PDZRN4: variants seen among roughly 807,000 people sequenced by gnomAD.
PDZRN4 encodes the protein PDZ domain containing ring finger 4.
A neutral mutation model predicts 99.0 loss-of-function variants in PDZRN4; 70 were observed. The ratio of observed to expected loss-of-function variants is 0.71; its 90% confidence interval spans 0.58 to 0.86. The LOEUF (loss-of-function observed/expected upper bound fraction) is 0.86. PDZRN4 is among the 40% of genes least tolerant of loss of function. The pLI is 0.00. For synonymous variants in PDZRN4, 551 were observed against 501.6 expected, an observed-to-expected ratio of 1.10 and a Z score of -1.32; for missense variants, 1,474 against 1,331.2, an observed-to-expected ratio of 1.11 and a Z score of -1.67.
chr12:41,336,787 T>C (rs1949950), intron 3 of PDZRN4, among the ~76,000 whole-genome samples: 61,773 of 151,472 alleles, frequency 0.41, 11,317 homozygotes, highest in African/African-American at 0.44. Flanking sequence ...TGGGGGTCGC[T>C]GTGAGTTTTT....
intron 3 of PDZRN4, among the ~76,000 whole-genome samples, chr12:41,325,070 G>A (rs930874826): frequency 6.6e-6 from 1 of 151,900 alleles, no homozygotes; most frequent in Non-Finnish European, 1.5e-5. Flanking sequence ...TTAAACTGTG[G>A]ACCAACTATG....
chr12:41,526,767 G>A (rs1733800460), intron 5 of PDZRN4, among the ~76,000 whole-genome samples: 1 of 152,112 alleles, frequency 6.6e-6, no homozygotes, highest in Admixed American at 6.5e-5. Context: ...TACAAACACA[G>A]ATCATGGTAT....
intron 3 of PDZRN4, among the ~76,000 whole-genome samples, chr12:41,249,246 T>G (rs1490912361): frequency 6.6e-6 from 1 of 152,152 alleles, no homozygotes; most frequent in African/African-American, 2.4e-5. Flanking sequence ...ATGGCAAAAA[T>G]CGCAAGTACT....
chr12:41,360,608 A>G (rs1344371207), intron 3 of PDZRN4, among the ~76,000 whole-genome samples: 1 of 152,078 alleles, frequency 6.6e-6, no homozygotes, highest in African/African-American at 2.4e-5. Flanking sequence ...CTGCATAGTG[A>G]GTTATATGGC....
intron 3 of PDZRN4, among the ~76,000 whole-genome samples, chr12:41,273,616 A>G (rs1251123094): frequency 6.6e-6 from 1 of 152,068 alleles, no homozygotes; most frequent in African/African-American, 2.4e-5. Flanking sequence ...TAAATGATGT[A>G]GAAACCAATA....
intron 3 of PDZRN4, among the ~76,000 whole-genome samples, chr12:41,194,659 A>G (rs543731449): frequency 6.6e-6 from 1 of 152,138 alleles, no homozygotes; most frequent in Non-Finnish European, 1.5e-5. Flanking sequence ...AAAAGAAGTA[A>G]AACTCTATTA....
chr12:41,208,961 G>C (rs896584247), intron 3 of PDZRN4, among the ~76,000 whole-genome samples: 2 of 151,894 alleles, frequency 1.3e-5, no homozygotes, highest in Non-Finnish European at 2.9e-5. Flanking sequence ...TTGGGATTGT[G>C]CAAGTTAAGT....
At chr12:41,348,098 A>T (rs933796410) in intron 3 of PDZRN4, among the ~76,000 whole-genome samples, 1 of 152,150 alleles carries the variant, frequency 6.6e-6, no homozygotes, top group African/African-American at 2.4e-5. Flanking sequence ...AGGTAGTGGT[A>T]TTATTCATGA....
intron 3 of PDZRN4, among the ~76,000 whole-genome samples, chr12:41,398,641 T>G (rs1416861171): frequency 6.6e-6 from 1 of 152,206 alleles, no homozygotes; most frequent in Non-Finnish European, 1.5e-5. Context: ...AGTAAATTTT[T>G]TATGCTTTTG....
chr12:41,189,426 C>T (rs1364192734), intron 1 of PDZRN4, among the ~76,000 whole-genome samples: 1 of 152,196 alleles, frequency 6.6e-6, no homozygotes, highest in Non-Finnish European at 1.5e-5. Context: ...CTCCTGCCCA[C>T]CGTCTCTGCC....
chr12:41,543,147 G>T (rs1016177660), intron 5 of PDZRN4, among the ~76,000 whole-genome samples: 3 of 152,140 alleles, frequency 2.0e-5, no homozygotes, highest in African/African-American at 7.2e-5. Context: ...TCTCTCTGGA[G>T]CATCCCCTCT....
chr12:41,569,310 A>T (rs1939434577), intron 9 of PDZRN4, among the ~76,000 whole-genome samples: 1 of 151,856 alleles, frequency 6.6e-6, no homozygotes, highest in Non-Finnish European at 1.5e-5. Flanking sequence ...AGTACAGATG[A>T]GGTTTCACCA....
chr12:41,294,935 A>G (rs1555126237), intron 3 of PDZRN4, among the ~76,000 whole-genome samples: 1 of 152,298 alleles, frequency 6.6e-6, no homozygotes, highest in Middle Eastern at 3.4e-3. Context: ...ATAGAGCTGA[A>G]TAGAGACATG....
intron 9 of PDZRN4, among the ~76,000 whole-genome samples, chr12:41,568,604 C>T (rs897939410): frequency 6.6e-6 from 1 of 152,060 alleles, no homozygotes; most frequent in Admixed American, 6.5e-5. Context: ...GAACTGCTGT[C>T]CTTAATGGAT....
intron 8 of PDZRN4, among the ~76,000 whole-genome samples, chr12:41,567,311 A>G (rs958388347): frequency 2.0e-5 from 3 of 152,138 alleles, no homozygotes; most frequent in Non-Finnish European, 4.4e-5. Flanking sequence ...GAGCCCACCT[A>G]AAAAGAAAAA....
intron 3 of PDZRN4, among the ~76,000 whole-genome samples, chr12:41,463,749 T>A (rs552383996): frequency 6.6e-6 from 1 of 152,324 alleles, no homozygotes; most frequent in Admixed American, 6.5e-5. Context: ...CACACCCACT[T>A]TGTTTGTAAG....
At chr12:41,503,238 T>A (rs1184663449) in intron 3 of PDZRN4, among the ~76,000 whole-genome samples, 2 of 152,158 alleles carry the variant, frequency 1.3e-5, no homozygotes, top group African/African-American at 2.4e-5. Context: ...AAATAGCTTA[T>A]GAAAATAGAG....
rs546840185 is a variant in PDZRN4 at position 41,424,354 on chromosome 12, T to C, written c.844-82102T>C. 5.3e-4 allele frequency among the ~76,000 whole-genome samples: 81 copies of C among 152,276 alleles called. 1 individual carries two copies. The highest frequency in any genetic ancestry group is 1.0e-3 in the Non-Finnish European group (70 of 68,008). On this transcript the variant is annotated intron_variant, in intron 3 of 9. Transcript: ENST00000402685. ...TTCCTTATGTTGGATTTGTTCTCCC[T>C]TCATTCCAAACAAATATTGCATATG... is the stretch of plus-strand genomic sequence containing the variant.
intron 3 of PDZRN4, among the ~76,000 whole-genome samples, chr12:41,270,828 G>A (rs1951310333): frequency 6.6e-6 from 1 of 152,026 alleles, no homozygotes. Context: ...ATACCATCAT[G>A]AGAGTGTTAA....
Sources: allele counts gnomAD v4.1 joint callset (sites outside exome capture counted in the v4.1 genomes callset), GRCh38; gene constraint gnomAD v4.1.1; transcripts MANE v1.5; gene names NCBI Gene and HGNC (gene_info 2026-07-23, HGNC 2026-07-21).